Variants in PTPN7 observed in about 807,000 individuals in gnomAD.
PTPN7 encodes the protein tyrosine-protein phosphatase non-receptor type 7.
Under a neutral mutation model 50.3 loss-of-function variants are expected in PTPN7, and 33 were observed. The ratio of observed to expected loss-of-function variants is 0.66; its 90% CI spans 0.50 to 0.88. PTPN7 has a LOEUF of 0.88. Among genes scored for constraint, PTPN7 ranks in the 40% least tolerant of loss-of-function variants. The pLI is 0.00. For missense variants in PTPN7, 412 were observed against 475.4 expected (o/e 0.87, Z 1.24); for synonymous variants, 185 against 186.6 (o/e 0.99, Z 0.07).
chr1:202,161,075 G>A (rs974532090), upstream of PTPN7: 2 of 1,364,836 alleles, frequency 1.5e-6, no homozygotes, highest in Non-Finnish European at 1.9e-6. Context: ...TTCAAGCCTT[G>A]GGAATTCATG....
intron 8 of PTPN7, 21 bp downstream of exon 8, chr1:202,152,521 A>T (rs1656130718): frequency 1.2e-6 from 2 of 1,608,632 alleles, no homozygotes. Context: ...CACAGGCTGC[A>T]GTGAAGGGAG....
Position 202,154,282 on chromosome 1 carries a change from G to A in PTPN7, c.510C>T (p.Gly170=). Residue 170 remains glycine, a synonymous_variant, in exon 6 of 10, where the codon GGC becomes GGT. Transcript: ENST00000691036. ...GKEKVYIATQ[G]PMPNTVSDFW... is the part of the protein sequence containing the mutation. Reference sequence around the variant, plus strand: ...AGTCCGACACAGTGTTGGGCATGGGGCCCTGGGTGGCAATGTAGACCTTCT... The same window carrying A: ...AGTCCGACACAGTGTTGGGCATGGGACCCTGGGTGGCAATGTAGACCTTCT... The A allele has an allele frequency of 6.2e-7, 1 of 1,614,124 alleles. No individual in the cohort carries two copies.
rs538790408 is a variant in PTPN7 at position 202,150,321 on chromosome 1, G to A, written c.979C>T (p.Arg327Trp). The A allele has an allele frequency of 1.2e-5, 20 of 1,611,016 alleles. No homozygotes were observed. The highest frequency in any genetic ancestry group is 2.2e-5 in the East Asian group (1 of 44,844). The stretch of plus-strand genomic sequence containing the variant: ...CACCCACAGACCCACCTGTCTAGCC[G>A]CAGTTGGCACACAATACCCAGAATG... The part of the protein sequence containing the change: ...VDILGIVCQL[R>W]LDRGGMIQTA... Residue 327 changes from arginine to tryptophan, a missense_variant, in exon 9 of 10, where the codon CGG becomes TGG. Coordinates refer to ENST00000691036, the MANE Select transcript of PTPN7 (RefSeq NM_002832.4).
chr1:202,148,596 G>T lies in PTPN7; in HGVS notation c.*10C>A. The T allele has an allele frequency of 5.6e-6, 9 of 1,612,910 alleles. No homozygotes were observed. The highest frequency in any genetic ancestry group is 7.6e-6 in the Non-Finnish European group (9 of 1,179,222). ...AGGTAGGCACCTGGGCCACCGGAGG[G>T]TGGCAGGGGTCAGGGGCTGGGTTCC... On this transcript the variant is annotated 3_prime_UTR_variant, in exon 10 of 10. Transcript: ENST00000691036.
intron 6 of PTPN7, 152 bp downstream of exon 6, chr1:202,154,034 C>T (rs1656357509): frequency 3.3e-6 from 4 of 1,204,688 alleles, no homozygotes; most frequent in Non-Finnish European, 3.5e-6. Flanking sequence ...GACAGCCTCC[C>T]AGGGCTATAT....
At position 202,159,720 on chromosome 1, in the gene PTPN7, G is replaced by A. The variant is rs1317612263; in HGVS notation, c.-52-266C>T. On this transcript the variant is annotated intron_variant, in intron 1 of 9. Coordinates refer to ENST00000691036, the MANE Select transcript of PTPN7 (RefSeq NM_002832.4). This position sits in a 1 kb window ranked among gnomAD's most constrained non-coding sequence, Gnocchi z 4.6. ...AATCCAGAAGGAGGAAAAGAGAGAG[G>A]GGAGAGAGGCCACACACCAGAGTAC... 13 of 1,358,030 alleles carry A rather than the reference G, an allele frequency of 9.6e-6. No homozygotes were observed. The highest frequency in any genetic ancestry group is 3.1e-5 in the Admixed American group (1 of 31,916). 84.1% of individuals were successfully genotyped at this position (1,358,030 alleles called of 1,614,324 possible). A position where few individuals can be genotyped will look rare whatever the true frequency, so the allele number is the denominator to read the frequency against.
At chr1:202,153,955 G>C in intron 6 of PTPN7, 120 bp from the exon 7 acceptor site, 1 of 1,022,192 alleles carries the variant, frequency 9.8e-7, no homozygotes, top group South Asian at 1.4e-5. Context: ...GTCAGCAACA[G>C]GGAGCCTGGC....
chr1:202,154,349 G>T, intron 5 of PTPN7, 26 bp from the exon 6 acceptor site: 1 of 1,599,268 alleles, frequency 6.3e-7, no homozygotes. Flanking sequence ...ACAGGGGAAG[G>T]GGTGGGGAGC....
rs760464282 is a variant in PTPN7, at chr1:202,158,123, ATTC to A, written c.298_300del (p.Glu100del). The A allele has an allele frequency of 6.3e-6, 10 of 1,590,924 alleles. No homozygotes were observed. In the East Asian group the frequency reaches 6.7e-5, roughly 11 times the overall value. On this transcript the variant is annotated inframe_deletion, in exon 3 of 10. Coordinates refer to ENST00000691036, the MANE Select transcript of PTPN7 (RefSeq NM_002832.4). ...AGGGGACCCCAATTTCTTACCAAGAATTCTTCTTCCAGTTGCTTGGGGCTGGGT... is the reference window on the plus strand; with the variant it reads ...AGGGGACCCCAATTTCTTACCAAGAATTCTTCCAGTTGCTTGGGGCTGGGT...
intron 4 of PTPN7, among the ~76,000 whole-genome samples, chr1:202,156,701 G>A (rs548602909): frequency 5.3e-5 from 8 of 152,280 alleles, no homozygotes; most frequent in South Asian, 2.1e-4. Flanking sequence ...CTGGAATAGC[G>A]CTAATAGCAC....
At position 202,160,547 on chromosome 1, in the gene PTPN7, A is replaced by C. The variant is rs1378748608; in HGVS notation, c.-55T>G. The stretch of plus-strand genomic sequence containing the variant: ...CAGTCCCCCCTTCAGATACTTACTG[A>C]AGCAGCTGTGGCCCCCAGGCTGCCT... On this transcript the variant is annotated splice_region_variant and 5_prime_UTR_variant, in exon 1 of 10. Coordinates refer to ENST00000691036, the MANE Select transcript of PTPN7 (RefSeq NM_002832.4). The surrounding 1 kb of genome is among the most constrained non-coding windows in gnomAD (Gnocchi z 4.8). The C allele has an allele frequency of 4.5e-6, 7 of 1,547,204 alleles. No individual in the cohort carries two copies. The Admixed American group carries it at 1.4e-4, about 30-fold the overall frequency.
Position 202,152,564 on chromosome 1 carries a change from C to T in PTPN7, c.853G>A (p.Gly285Arg), listed in dbSNP as rs762830657. ...CACCTGCAGTGGACTACGATAGGCC[C>T]GGGGTGGGCGGCTGTCTCCGGGCTC... Reference protein sequence around the residue: ...EESPETAAHPGPIVVHCSAGI... With the variant: ...EESPETAAHPRPIVVHCSAGI... Residue 285 changes from glycine to arginine, a missense_variant, in exon 8 of 10, where the codon GGG becomes AGG. Physicochemically the swap from Gly to Arg is moderately radical, Grantham distance 125 (BLOSUM62 -2). Coordinates refer to ENST00000691036, the MANE Select transcript of PTPN7 (RefSeq NM_002832.4). The T allele has an allele frequency of 8.7e-6, 14 of 1,613,172 alleles. No homozygotes were observed. Among genetic ancestry groups the T allele is most frequent in the Admixed American group, 5.0e-5 (3 of 59,986 alleles).
rs760653646 is a variant in PTPN7 at position 202,150,406 on chromosome 1, C to T, written c.894G>A (p.Thr298=). 1.9e-5 allele frequency: 30 copies of T among 1,609,386 alleles called. No homozygotes were observed. Among genetic ancestry groups the T allele is most frequent in the Admixed American group, 8.4e-5 (5 of 59,708 alleles). The change falls in exon 9 of 10, where the codon ACG becomes ACA. Residue 298 remains threonine (T), a synonymous_variant. Coordinates refer to ENST00000691036, the MANE Select transcript of PTPN7 (RefSeq NM_002832.4). ...VVHCSAGIGR[T]GCFIATRIGC... ...CAATTCGCGTGGCGATGAAGCAGCC[C>T]GTCCGGCCAATCCCTGCACTGGAGA...
At position 202,157,759 on chromosome 1, in the gene PTPN7, CG is replaced by C. The variant is rs774477052; in HGVS notation, c.370del (p.Arg124AspfsTer15). The C allele has an allele frequency of 6.2e-7, 1 of 1,613,942 alleles. No homozygotes were observed. Among genetic ancestry groups the C allele is most frequent in the South Asian group, 1.1e-5 (1 of 91,080 alleles). On this transcript the variant is annotated frameshift_variant, in exon 4 of 10. Transcript: ENST00000691036. LOFTEE classifies it high-confidence loss of function. The stretch of plus-strand genomic sequence containing the variant: ...CTTACTTGGCAAGATGGTCTTGTAT[CG>C]GTCCTTGGAGGCGTGGCCAGGGATG... ...LDIPGHASKD[R>X]YKTILPNPQS... is the part of the protein sequence containing the mutation.
upstream of PTPN7, chr1:202,161,272 G>A: frequency 3.7e-5 from 43 of 1,146,786 alleles, no homozygotes; most frequent in Non-Finnish European, 4.5e-5. Context: ...GGCCAGCCCA[G>A]CAGGAAGCAG....
At chr1:202,158,660 C>T (rs927910838) in intron 2 of PTPN7, 5 of 206,188 alleles carry the variant, frequency 2.4e-5, no homozygotes, top group African/African-American at 4.7e-5. Flanking sequence ...AGCCACTGTG[C>T]CTGACCATAT....
chr1:202,161,585 T>C (rs1261691788), upstream of PTPN7: 1 of 1,251,074 alleles, frequency 8.0e-7, no homozygotes, highest in South Asian at 1.3e-5. Context: ...TCCTTTTACC[T>C]TGTAACATTT....
chr1:202,154,587 C>A (rs1374377743), intron 5 of PTPN7, among the ~76,000 whole-genome samples: 1 of 152,198 alleles, frequency 6.6e-6, no homozygotes, highest in Non-Finnish European at 1.5e-5. Flanking sequence ...GTGGTATCAT[C>A]TGTAAATTGG....
intron 2 of PTPN7, chr1:202,158,508 A>T (rs1018564441): frequency 2.8e-5 from 15 of 534,052 alleles, no homozygotes; most frequent in Non-Finnish European, 4.6e-5. Flanking sequence ...CCACAGGTAC[A>T]TGCTACCACA....
Sources: gnomAD v4.1 joint callset for allele counts (sites outside exome capture counted in the v4.1 genomes callset) on GRCh38, gnomAD v4.1.1 for gene constraint, Gnocchi (gnomAD v3.1) non-coding constraint, MANE v1.5 for transcripts, NCBI Gene and HGNC (gene_info 2026-07-23, HGNC 2026-07-21) for gene names.